Variants in TNFSF13B observed in about 807,000 individuals in gnomAD.
TNFSF13B encodes tumor necrosis factor ligand superfamily member 13B.
Under a neutral mutation model 29.1 loss-of-function variants are expected in TNFSF13B, and 8 were observed. The observed-to-expected ratio is 0.27, with a 90% CI of 0.16 to 0.50. TNFSF13B has a LOEUF of 0.50. TNFSF13B is among the 20% of genes least tolerant of loss of function. The pLI, the probability that TNFSF13B is intolerant of heterozygous loss-of-function variation, is 0.98. For missense variants in TNFSF13B, 248 were observed against 334.9 expected, an observed-to-expected ratio of 0.74 and a Z score of 2.03; for synonymous variants, 125 against 130.8, an observed-to-expected ratio of 0.96 and a Z score of 0.30.
intron 2 of TNFSF13B, 108 bp from the exon 3 acceptor site, chr13:108,286,695 A>G: frequency 5.2e-6 from 3 of 578,542 alleles, no homozygotes; most frequent in Admixed American, 3.0e-5. Flanking sequence ...CAATGTAAAA[A>G]GTATAATTGA....
In TNFSF13B at chr13:108,271,737, C is replaced by T. The variant is rs112179185; in HGVS notation, c.424+1313C>T. Reference sequence around the variant, plus strand: ...ATTTCCTACATAATTGAAAATAATACGGAATATATACTATAATATTTTTTG... The same window carrying T: ...ATTTCCTACATAATTGAAAATAATATGGAATATATACTATAATATTTTTTG... On this transcript the variant is annotated intron_variant, in intron 2 of 5. Coordinates refer to ENST00000375887, the MANE Select transcript of TNFSF13B (RefSeq NM_006573.5). Among the ~76,000 whole-genome samples the T allele has an allele frequency of 8.7e-4, 132 of 151,922 alleles. 2 individuals are homozygous for T. The South Asian group carries it at 0.019, about 22-fold the overall frequency.
Position 108,308,211 on chromosome 13 carries a change from T to C in TNFSF13B, c.*1273T>C, listed in dbSNP as rs902258211. On this transcript the variant is annotated 3_prime_UTR_variant, in exon 6 of 6. Transcript: ENST00000375887. ...TCTTCCCATCTATATCAAAATACTT[T>C]TCAAGGATATACTTTTCAAAACAAA... The C allele has an allele frequency of 6.6e-6, 1 of 152,134 alleles. No individual in the cohort carries two copies. Among genetic ancestry groups the C allele is most frequent in the African/African-American group, 2.4e-5 (1 of 41,434 alleles). The allele number at this position is 152,134 out of a possible 1,614,324, so 9.4% of individuals were successfully genotyped here.
At chr13:108,280,660 T>G (rs549967290) in intron 2 of TNFSF13B, among the ~76,000 whole-genome samples, 4 of 151,274 alleles carry the variant, frequency 2.6e-5, no homozygotes, top group Non-Finnish European at 5.9e-5. Context: ...ATTATCAATT[T>G]AAAATTAAAA....
chr13:108,279,081 C>T (rs1409022358), intron 2 of TNFSF13B, among the ~76,000 whole-genome samples: 2 of 149,148 alleles, frequency 1.3e-5, no homozygotes, highest in South Asian at 2.1e-4. Context: ...CCTTTTCCCT[C>T]AAGCAATGAC....
intron 5 of TNFSF13B, among the ~76,000 whole-genome samples, chr13:108,305,057 G>A (rs1881730156): frequency 6.6e-6 from 1 of 152,064 alleles, no homozygotes; most frequent in Non-Finnish European, 1.5e-5. Context: ...CTTGCTGTTA[G>A]AGGACTCTGC....
At chr13:108,283,962 G>T (rs936417586) in intron 2 of TNFSF13B, among the ~76,000 whole-genome samples, 12 of 152,136 alleles carry the variant, frequency 7.9e-5, no homozygotes, top group African/African-American at 2.9e-4. Context: ...ATAGGAATTT[G>T]GGGGCAACAC....
At chr13:108,286,354 AT>A (rs541816471) in intron 2 of TNFSF13B, among the ~76,000 whole-genome samples, 4,904 of 147,116 alleles carry the variant, frequency 0.033, 212 homozygotes, top group African/African-American at 0.096. Flanking sequence ...ACGTATTAGC[AT>A]TTTTTTTTTT....
At chr13:108,286,908 G>T (rs1456317196) in intron 3 of TNFSF13B, 49 bp downstream of exon 3, 5 of 1,365,824 alleles carry the variant, frequency 3.7e-6, no homozygotes, top group South Asian at 1.3e-5. Context: ...GTCCATCAAT[G>T]ATAGACTGGA....
At chr13:108,302,083 A>T (rs1335978893) in intron 3 of TNFSF13B, among the ~76,000 whole-genome samples, 1 of 152,016 alleles carries the variant, frequency 6.6e-6, no homozygotes, top group Non-Finnish European at 1.5e-5. Flanking sequence ...CCTCATGAAA[A>T]CCCACAGGAA....
chr13:108,297,832 C>G (rs1479830098), intron 3 of TNFSF13B, among the ~76,000 whole-genome samples: 1 of 145,216 alleles, frequency 6.9e-6, no homozygotes, highest in Admixed American at 6.8e-5. Flanking sequence ...CATCCAGAGT[C>G]CACAGTTTAC....
Position 108,303,570 on chromosome 13 carries a change from T to G in TNFSF13B, c.711T>G (p.Pro237=). The change falls in exon 5 of 6, where the codon CCT becomes CCG. Residue 237 remains proline (P), a synonymous_variant. Coordinates refer to ENST00000375887, the MANE Select transcript of TNFSF13B (RefSeq NM_006573.5). ...TGTTTCGATGTATTCAAAATATGCC[T>G]GAAACACTACCCAATAATTCCTGCT... ...VTLFRCIQNM[P]ETLPNNSCYS... is the part of the protein sequence containing the mutation. 6.2e-7 allele frequency: 1 copy of G among 1,613,590 alleles called. No individual in the cohort carries two copies. The highest frequency in any genetic ancestry group is 1.1e-5 in the South Asian group (1 of 91,028).
At chr13:108,272,815 C>A (rs118186472) in intron 2 of TNFSF13B, among the ~76,000 whole-genome samples, 1 of 151,480 alleles carries the variant, frequency 6.6e-6, no homozygotes, top group Non-Finnish European at 1.5e-5. Flanking sequence ...CTAATATCCC[C>A]GTTTCTAAAT....
rs942644573 is a variant in TNFSF13B, at chr13:108,307,100, G to A, written c.*162G>A. The A allele has an allele frequency of 3.2e-5, 17 of 530,912 alleles. No individual in the cohort carries two copies. In the African/African-American group the frequency reaches 3.4e-4, roughly 11 times the overall value. The allele number at this position is 530,912 out of a possible 1,614,324, so 32.9% of individuals were successfully genotyped here. A position where few individuals can be genotyped will look rare whatever the true frequency, so the allele number is the denominator to read the frequency against. On this transcript the variant is annotated 3_prime_UTR_variant, in exon 6 of 6. Transcript: ENST00000375887. ...TATTTGTTTTGGTTTGCTGAAACTA[G>A]TCCAAAACAGGAAATTTAACAGACA...
chr13:108,271,450 A>T (rs1246655354), intron 2 of TNFSF13B, among the ~76,000 whole-genome samples: 1 of 32,266 alleles, frequency 3.1e-5, no homozygotes, highest in Non-Finnish European at 1.2e-4. Flanking sequence ...TCTATCACAC[A>T]CACACACACA....
chr13:108,308,368 AAAG>A lies in TNFSF13B; in HGVS notation c.*1437_*1439del, dbSNP rs1881837182. 1 of 152,130 alleles carries A rather than the reference AAAG, an allele frequency of 6.6e-6. No homozygotes were observed. The highest frequency in any genetic ancestry group is 1.5e-5 in the Non-Finnish European group (1 of 67,994). The allele number at this position is 152,130 out of a possible 1,614,324, so 9.4% of individuals were successfully genotyped here. ...AATTCATTTTTACATTATAATTTAA[AAAG>A]AAGAAGCGATAAGTGGAGTCAGTTT... On this transcript the variant is annotated 3_prime_UTR_variant, in exon 6 of 6. Coordinates refer to ENST00000375887, the MANE Select transcript of TNFSF13B (RefSeq NM_006573.5).
intron 2 of TNFSF13B, among the ~76,000 whole-genome samples, chr13:108,281,227 G>A (rs150691872): frequency 1.9e-3 from 296 of 152,026 alleles, no homozygotes; most frequent in African/African-American, 6.9e-3. Flanking sequence ...GGCAATAAGA[G>A]TAGAACTCTG....
In TNFSF13B at chr13:108,270,325, T is replaced by A. The variant is rs1236243236; in HGVS notation, c.340-15T>A. The A allele has an allele frequency of 6.2e-7, 1 of 1,614,062 alleles. No individual in the cohort carries two copies. On this transcript the variant is annotated splice_polypyrimidine_tract_variant and intron_variant, in intron 1 of 5. Transcript: ENST00000375887. ...CAGCTGTCTTTCTAATAACTTGAAG[T>A]TTTTCTGTTCATAGATCTTTGAACC... is the stretch of plus-strand genomic sequence containing the variant.
chr13:108,277,688 T>G (rs1280854116), intron 2 of TNFSF13B, among the ~76,000 whole-genome samples: 2 of 152,178 alleles, frequency 1.3e-5, no homozygotes, highest in Non-Finnish European at 2.9e-5. Context: ...CTTGATGATA[T>G]GCTAAACAAG....
chr13:108,290,111 A>G (rs1046040018), intron 3 of TNFSF13B, among the ~76,000 whole-genome samples: 1 of 152,146 alleles, frequency 6.6e-6, no homozygotes, highest in African/African-American at 2.4e-5. Context: ...TTCTTATAGT[A>G]AACACTTAAA....
Sources: allele counts gnomAD v4.1 joint callset (sites outside exome capture counted in the v4.1 genomes callset), GRCh38; gene constraint gnomAD v4.1.1; transcripts MANE v1.5; gene names NCBI Gene and HGNC (gene_info 2026-07-23, HGNC 2026-07-21).